Variants in GRAMD1B observed in about 807,000 individuals in gnomAD.
GRAMD1B encodes the protein protein Aster-B.
GRAMD1B carries 37 observed loss-of-function variants against 99.7 expected under a neutral mutation model. The ratio of observed to expected loss-of-function variants is 0.37; its 90% confidence interval spans 0.29 to 0.49. The LOEUF (loss-of-function observed/expected upper bound fraction) is 0.49, where lower values mean the gene tolerates loss of function less well. Among genes scored for constraint, GRAMD1B ranks in the 20% least tolerant of loss-of-function variants. GRAMD1B has a pLI of 0.98. For missense variants in GRAMD1B, 888 were observed against 1,009.2 expected, an observed-to-expected ratio of 0.88 and a Z score of 1.63; for synonymous variants, 427 against 387.6, an observed-to-expected ratio of 1.10 and a Z score of -1.19.
intron 1 of GRAMD1B, among the ~76,000 whole-genome samples, chr11:123,390,772 C>G (rs1176941104): frequency 6.6e-6 from 1 of 152,224 alleles, no homozygotes; most frequent in Non-Finnish European, 1.5e-5. Context: ...TGGTATGCCA[C>G]TTTTCTTTGA....
intron 2 of GRAMD1B, among the ~76,000 whole-genome samples, chr11:123,482,189 C>A (rs973223505): frequency 3.9e-5 from 6 of 152,016 alleles, no homozygotes; most frequent in African/African-American, 1.5e-4. Flanking sequence ...ACCTCCACCT[C>A]CTGGGTTCAA....
rs906732270 is a variant in GRAMD1B at position 123,610,802 on chromosome 11, A to G, written c.1919+464A>G. On this transcript the variant is annotated intron_variant, in intron 14 of 19. Coordinates refer to ENST00000635736, the MANE Select transcript of GRAMD1B (RefSeq NM_001387025.1). The surrounding 1 kb of genome is among the most constrained non-coding windows in gnomAD (Gnocchi z 4.1). ...GCGTGGATTGCCATTAGTGTTAGAC[A>G]GTGAGCTCCACGAGGACAGGAATTC... 6.6e-6 allele frequency among the ~76,000 whole-genome samples: 1 copy of G among 152,198 alleles called. No individual in the cohort carries two copies. The highest frequency in any genetic ancestry group is 2.4e-5 in the African/African-American group (1 of 41,442).
intron 2 of GRAMD1B, among the ~76,000 whole-genome samples, chr11:123,532,844 CA>C: frequency 6.6e-6 from 1 of 152,350 alleles, no homozygotes; most frequent in African/African-American, 2.4e-5. Flanking sequence ...CATGCTACAA[CA>C]GCAGAATTGA....
chr11:123,611,565 T>A (rs1352436946), intron 14 of GRAMD1B, among the ~76,000 whole-genome samples: 1 of 152,194 alleles, frequency 6.6e-6, no homozygotes, highest in South Asian at 2.1e-4. Flanking sequence ...TTAATTTCCC[T>A]TCCTTCTCTC....
intron 1 of GRAMD1B, among the ~76,000 whole-genome samples, chr11:123,445,262 G>A (rs574551925): frequency 1.3e-5 from 2 of 152,332 alleles, no homozygotes; most frequent in East Asian, 1.9e-4. Context: ...ATGTCAGTGA[G>A]TGCCAGGCTG....
chr11:123,367,818 G>A (rs1946372268), intron 1 of GRAMD1B, among the ~76,000 whole-genome samples: 1 of 152,132 alleles, frequency 6.6e-6, no homozygotes, highest in African/African-American at 2.4e-5. Context: ...ATGCCATGAA[G>A]GGGGTTGCTG....
intron 1 of GRAMD1B, among the ~76,000 whole-genome samples, chr11:123,434,230 C>CA (rs33942028): frequency 0.059 from 4,222 of 71,142 alleles, 22 homozygotes; most frequent in African/African-American, 0.065. Flanking sequence ...ACTCCGTTTC[C>CA]AAAAAAAAAA....
upstream of GRAMD1B, among the ~76,000 whole-genome samples, chr11:123,425,452 A>G (rs1176787254): frequency 6.6e-6 from 1 of 152,212 alleles, no homozygotes; most frequent in Non-Finnish European, 1.5e-5. Context: ...CCTTGGTGTC[A>G]AGTACAAGGG....
intron 2 of GRAMD1B, among the ~76,000 whole-genome samples, chr11:123,514,506 CACT>C (rs1941481630): frequency 6.6e-6 from 1 of 152,182 alleles, no homozygotes; most frequent in Non-Finnish European, 1.5e-5. Context: ...TGCAGATAGT[CACT>C]GAATGGTGGC....
intron 1 of GRAMD1B, chr11:123,459,279 G>A (rs1303462204): frequency 1.3e-5 from 2 of 149,106 alleles, no homozygotes; most frequent in Admixed American, 6.7e-5. Context: ...TTTTGAGATG[G>A]AGTTTTGCTT....
intron 1 of GRAMD1B, among the ~76,000 whole-genome samples, chr11:123,372,542 G>A (rs1205786626): frequency 6.6e-6 from 1 of 152,176 alleles, no homozygotes; most frequent in African/African-American, 2.4e-5. Context: ...CAGAGGTGGT[G>A]TGGAATGGTG....
At position 123,591,177 on chromosome 11, in the gene GRAMD1B, T is replaced by G. The variant is rs1302608020; in HGVS notation, c.685-2905T>G. The G allele has an allele frequency of 5.5e-6, 2 of 366,946 alleles. No homozygotes were observed. Among genetic ancestry groups the G allele is most frequent in the East Asian group, 7.9e-5 (2 of 25,442 alleles). The allele number at this position is 366,946 out of a possible 1,614,324, so 22.7% of individuals were successfully genotyped here. Reference sequence around the variant, plus strand: ...GGCCAGCTTGTCCTGAGAACCACGCTGACCACCTCGGCTCACTTGTGAAGC... The same window carrying G: ...GGCCAGCTTGTCCTGAGAACCACGCGGACCACCTCGGCTCACTTGTGAAGC... On this transcript the variant is annotated intron_variant, in intron 4 of 19. Coordinates refer to ENST00000635736, the MANE Select transcript of GRAMD1B (RefSeq NM_001387025.1). The surrounding 1 kb of genome is among the most constrained non-coding windows in gnomAD (Gnocchi z 4.7).
At chr11:123,576,231 C>T (rs1948692815) in intron 2 of GRAMD1B, among the ~76,000 whole-genome samples, 1 of 152,208 alleles carries the variant, frequency 6.6e-6, no homozygotes. Flanking sequence ...CCCTGCACCC[C>T]ACTCCCCGAG....
chr11:123,608,422 A>G, intron 11 of GRAMD1B: 3 of 1,275,290 alleles, frequency 2.4e-6, no homozygotes, highest in Non-Finnish European at 3.2e-6. Context: ...CACTTTGTAA[A>G]GAAGGAATGG....
chr11:123,449,816 G>A (rs1445882774), intron 1 of GRAMD1B, among the ~76,000 whole-genome samples: 2 of 150,054 alleles, frequency 1.3e-5, no homozygotes, highest in African/African-American at 4.9e-5. Flanking sequence ...AACTTCCCAA[G>A]CTCAAGTGAT....
rs1213277678 is a variant in GRAMD1B at position 123,625,900 on chromosome 11, C to A, written c.*3305C>A. On this transcript the variant is annotated 3_prime_UTR_variant, in exon 20 of 20. Coordinates refer to ENST00000635736, the MANE Select transcript of GRAMD1B (RefSeq NM_001387025.1). ...AGACCCAGGGTGATTAAAATTTATT[C>A]TTTAGGTGGCTAGGAGGGCTGGGGA... is the stretch of plus-strand genomic sequence containing the variant. 7.1e-6 allele frequency: 1 copy of A among 140,866 alleles called. No homozygotes were observed. Among genetic ancestry groups the A allele is most frequent in the African/African-American group, 2.7e-5 (1 of 37,240 alleles). The allele number at this position is 140,866 out of a possible 1,614,324, so 8.7% of individuals were successfully genotyped here.
chr11:123,618,422 C>A (rs1720348), intron 17 of GRAMD1B: 6 of 1,438,140 alleles, frequency 4.2e-6, no homozygotes, highest in Non-Finnish European at 5.9e-6. Flanking sequence ...CCTCTCTTCC[C>A]CCAGGTGCCC....
chr11:123,442,189 C>T (rs1179462972), intron 1 of GRAMD1B, among the ~76,000 whole-genome samples: 1 of 152,186 alleles, frequency 6.6e-6, no homozygotes, highest in East Asian at 1.9e-4. Context: ...GTTCAGGGCT[C>T]AGTCCTCTAA....
intron 2 of GRAMD1B, among the ~76,000 whole-genome samples, chr11:123,565,165 T>TGGGACTACAGGCATCTGCC (rs1947215248): frequency 6.6e-6 from 1 of 151,538 alleles, no homozygotes; most frequent in Non-Finnish European, 1.5e-5. Context: ...CCTGAACAGC[T>TGGGACTACAGGCATCTGCC]GGGACTACAG....
Sources: gnomAD v4.1 joint callset for allele counts (sites outside exome capture counted in the v4.1 genomes callset) on GRCh38, gnomAD v4.1.1 for gene constraint, Gnocchi (gnomAD v3.1) non-coding constraint, MANE v1.5 for transcripts, NCBI Gene and HGNC (gene_info 2026-07-23, HGNC 2026-07-21) for gene names.